Variants in C9 observed in about 807,000 individuals in gnomAD.
C9 encodes the protein complement C9.
In C9, 63 loss-of-function variants were observed where a neutral mutation model predicts 65.4. That is an observed-to-expected ratio of 0.96 (90% confidence interval 0.79 to 1.19). The LOEUF (loss-of-function observed/expected upper bound fraction) is 1.19, where lower values mean the gene tolerates loss of function less well. Ranked by LOEUF, C9 falls within the 50% of genes most tolerant of loss-of-function variation. C9 has a pLI of 0.00. For missense variants in C9, 744 were observed against 670.1 expected (o/e 1.11, Z -1.22); for synonymous variants, 229 against 227.9 (o/e 1.00, Z -0.04).
At chr5:39,294,510 C>T (rs981839470) in intron 9 of C9, among the ~76,000 whole-genome samples, 9 of 151,524 alleles carry the variant, frequency 5.9e-5, no homozygotes, top group Non-Finnish European at 1.3e-4. Flanking sequence ...CGAGTTTGAA[C>T]CAAGAATAAA....
intron 5 of C9, among the ~76,000 whole-genome samples, chr5:39,325,080 T>C (rs750360422): frequency 1.1e-4 from 17 of 152,220 alleles, no homozygotes; most frequent in Non-Finnish European, 2.1e-4. Flanking sequence ...AGAGCAGTTG[T>C]AAATAGAGAG....
Position 39,341,243 on chromosome 5 carries a change from C to T in C9, c.379G>A (p.Asp127Asn), listed in dbSNP as rs696763. The T allele has an allele frequency of 1.2e-6, 2 of 1,614,052 alleles. No homozygotes were observed. Among genetic ancestry groups the T allele is most frequent in the African/African-American group, 2.7e-5 (2 of 74,920 alleles). ...TCACAATCATCCTCATCTGAAAAGTCTCCGCAGTCATTGTCACCATTACAC... is the reference window on the plus strand; with the variant it reads ...TCACAATCATCCTCATCTGAAAAGTTTCCGCAGTCATTGTCACCATTACAC... ...LRCNGDNDCG[D>N]FSDEDDCESE... is the part of the protein sequence containing the mutation. The change falls in exon 4 of 11, where the codon GAC (aspartate) becomes AAC (asparagine). Residue 127 changes from aspartate to asparagine, a missense_variant. Transcript: ENST00000263408.
At chr5:39,357,598 T>C (rs1754433274) in intron 1 of C9, among the ~76,000 whole-genome samples, 1 of 152,218 alleles carries the variant, frequency 6.6e-6, no homozygotes, top group Admixed American at 6.5e-5. Context: ...CATGCAATAT[T>C]TCTTAAGACA....
At chr5:39,344,211 G>A (rs970647703) in intron 1 of C9, among the ~76,000 whole-genome samples, 4 of 152,146 alleles carry the variant, frequency 2.6e-5, no homozygotes, top group Non-Finnish European at 4.4e-5. Context: ...GGCTACAGAC[G>A]ATCAGACTTA....
intron 4 of C9, among the ~76,000 whole-genome samples, chr5:39,339,478 G>A (rs1001093424): frequency 2.0e-5 from 3 of 152,010 alleles, no homozygotes; most frequent in African/African-American, 7.2e-5. Flanking sequence ...CATAGGAACT[G>A]CCTAGTAACT....
chr5:39,323,588 T>C (rs1230207773), intron 5 of C9, among the ~76,000 whole-genome samples: 1 of 151,158 alleles, frequency 6.6e-6, no homozygotes, highest in Non-Finnish European at 1.5e-5. Context: ...TCTCAATAGA[T>C]GTAGAAAAAG....
intron 5 of C9, among the ~76,000 whole-genome samples, 197 bp from the exon 6 acceptor site, chr5:39,316,226 C>A (rs1320073178): frequency 6.6e-6 from 1 of 152,098 alleles, no homozygotes; most frequent in Admixed American, 6.5e-5. Context: ...GCAATAATCT[C>A]TATGTGCTTA....
At chr5:39,300,681 A>C (rs989502090) in intron 9 of C9, among the ~76,000 whole-genome samples, 2 of 152,152 alleles carry the variant, frequency 1.3e-5, no homozygotes, top group African/African-American at 4.8e-5. Flanking sequence ...TAATAATTCT[A>C]AATTTGTATG....
intron 9 of C9, among the ~76,000 whole-genome samples, chr5:39,305,088 A>AT (rs907628792): frequency 7.9e-5 from 12 of 151,836 alleles, no homozygotes; most frequent in Admixed American, 2.6e-4. Context: ...TAAATCACCC[A>AT]TTTTTTTTCT....
chr5:39,292,589 C>T (rs891665723), intron 9 of C9, among the ~76,000 whole-genome samples: 1 of 151,600 alleles, frequency 6.6e-6, no homozygotes, highest in Non-Finnish European at 1.5e-5. Flanking sequence ...CAAAAATATA[C>T]CTTTCTAGTT....
intron 5 of C9, among the ~76,000 whole-genome samples, chr5:39,324,080 A>G (rs1335444242): frequency 6.6e-6 from 1 of 152,214 alleles, no homozygotes; most frequent in Non-Finnish European, 1.5e-5. Context: ...ATTAAAAAGA[A>G]TAAAACACTT....
chr5:39,297,784 A>C (rs1579841578), intron 9 of C9, among the ~76,000 whole-genome samples: 1 of 151,724 alleles, frequency 6.6e-6, no homozygotes, highest in African/African-American at 2.4e-5. Flanking sequence ...TCTGCTCTCT[A>C]TAATTGAAAG....
chr5:39,341,936 T>G (rs552145042), intron 2 of C9, among the ~76,000 whole-genome samples, 155 bp downstream of exon 2: 1 of 152,336 alleles, frequency 6.6e-6, no homozygotes, highest in Admixed American at 6.5e-5. Context: ...AAAGATTTCC[T>G]GGAAAAGTTA....
At chr5:39,356,237 T>C (rs1458957048) in intron 1 of C9, among the ~76,000 whole-genome samples, 1 of 152,200 alleles carries the variant, frequency 6.6e-6, no homozygotes, top group Non-Finnish European at 1.5e-5. Flanking sequence ...ACACTACTTA[T>C]CCAAAGTTGA....
At chr5:39,327,272 AT>A (rs1162492347) in intron 5 of C9, among the ~76,000 whole-genome samples, 1 of 152,140 alleles carries the variant, frequency 6.6e-6, no homozygotes, top group Non-Finnish European at 1.5e-5. Flanking sequence ...GAATGATCAG[AT>A]TTATTATTTT....
chr5:39,318,049 G>C (rs950303310), intron 5 of C9, among the ~76,000 whole-genome samples: 2 of 152,014 alleles, frequency 1.3e-5, no homozygotes, highest in African/African-American at 4.8e-5. Flanking sequence ...AGTTCTTGAA[G>C]AGGTCCTTCA....
chr5:39,331,637 C>T (rs1753841188), intron 5 of C9, 39 bp downstream of exon 5: 1 of 1,602,518 alleles, frequency 6.2e-7, no homozygotes, highest in Non-Finnish European at 8.5e-7. Context: ...ATTTTTCAGC[C>T]AAAAGTTGAA....
At chr5:39,289,754 A>G in intron 9 of C9, among the ~76,000 whole-genome samples, 1 of 151,862 alleles carries the variant, frequency 6.6e-6, no homozygotes, top group East Asian at 1.9e-4. Context: ...AGCCTGAACA[A>G]TAAGGTTATT....
chr5:39,350,547 C>G (rs554275509), intron 1 of C9, among the ~76,000 whole-genome samples: 1 of 144,244 alleles, frequency 6.9e-6, no homozygotes, highest in Non-Finnish European at 1.5e-5. Context: ...TTAATTACTC[C>G]CAAGGTACAG....
Sources: allele counts gnomAD v4.1 joint callset (sites outside exome capture counted in the v4.1 genomes callset), GRCh38; gene constraint gnomAD v4.1.1; transcripts MANE v1.5; gene names NCBI Gene and HGNC (gene_info 2026-07-23, HGNC 2026-07-21).